GARRE1: variants seen among roughly 807,000 people sequenced by gnomAD.
GARRE1 encodes granule associated Rac and RHOG effector 1.
GARRE1 carries 49 observed loss-of-function variants against 103.2 expected under a neutral mutation model. The observed-to-expected ratio is 0.47, with a 90% confidence interval of 0.38 to 0.60. The LOEUF is 0.60. Among genes scored for constraint, GARRE1 ranks in the 20% least tolerant of loss-of-function variants. GARRE1 has a pLI of 0.00. For synonymous variants in GARRE1, 505 were observed against 532.8 expected (o/e 0.95, Z 0.72); for missense variants, 1,199 against 1,370.5 (o/e 0.87, Z 1.98).
chr19:34,274,565 G>T (rs545008665), intron 1 of GARRE1, among the ~76,000 whole-genome samples: 2 of 152,290 alleles, frequency 1.3e-5, no homozygotes, highest in South Asian at 4.1e-4. Context: ...TTTGGTTTTG[G>T]ACTTTTGATT....
At chr19:34,296,436 T>G in intron 1 of GARRE1, 1 of 1,587,464 alleles carries the variant, frequency 6.3e-7, no homozygotes, top group East Asian at 2.2e-5. Context: ...CTTCCCAAGC[T>G]TGGGGTGGGC....
intron 1 of GARRE1, among the ~76,000 whole-genome samples, chr19:34,258,631 T>C (rs958036282): frequency 6.6e-6 from 1 of 151,054 alleles, no homozygotes; most frequent in African/African-American, 2.4e-5. Context: ...AAAAAAAAAA[T>C]ATTAAAAAAT....
At chr19:34,284,386 A>T (rs2073874308) in intron 1 of GARRE1, among the ~76,000 whole-genome samples, 3 of 152,040 alleles carry the variant, frequency 2.0e-5, no homozygotes, top group Admixed American at 2.0e-4. Flanking sequence ...CAGCCTCCCA[A>T]AGTACTGGGA....
At position 34,347,953 on chromosome 19, in the gene GARRE1, C is replaced by T. The variant is rs1183496850; in HGVS notation, c.2598C>T (p.His866=). Residue 866 remains histidine, a synonymous_variant, in exon 11 of 14, where the codon CAC becomes CAT. Coordinates refer to ENST00000299505, the MANE Select transcript of GARRE1 (RefSeq NM_014686.5). ...QAMQQKRQAQ[H]GRRPGNPRGN... Reference sequence around the variant, plus strand: ...TGCAGCAGAAGCGGCAGGCCCAGCACGGTCGCCGGCCAGGCAACCCCCGGG... The same window carrying T: ...TGCAGCAGAAGCGGCAGGCCCAGCATGGTCGCCGGCCAGGCAACCCCCGGG... The T allele has an allele frequency of 1.3e-5, 21 of 1,589,766 alleles. No homozygotes were observed. Among genetic ancestry groups the T allele is most frequent in the Middle Eastern group, 1.7e-4 (1 of 6,040 alleles).
At chr19:34,305,138 CCTTTA>C in intron 2 of GARRE1, among the ~76,000 whole-genome samples, 1 of 152,292 alleles carries the variant, frequency 6.6e-6, no homozygotes, top group East Asian at 1.9e-4. Context: ...AAAAAGCATG[CCTTTA>C]CTTCTCAAAA....
rs142397202 is a variant in GARRE1, at chr19:34,352,660, A to G, written c.2918A>G (p.Lys973Arg). The G allele has an allele frequency of 3.0e-4, 476 of 1,608,934 alleles. No homozygotes were observed. Among genetic ancestry groups the G allele is most frequent in the Non-Finnish European group, 3.9e-4 (460 of 1,175,866 alleles). The change falls in exon 14 of 14, where the codon AAA (lysine) becomes AGA (arginine). Residue 973 changes from lysine (K) to arginine (R), a missense_variant. Physicochemically the swap from Lys to Arg is conservative, Grantham distance 26. Coordinates refer to ENST00000299505, the MANE Select transcript of GARRE1 (RefSeq NM_014686.5). ...VEDVNQDNKTKTWPPKAPWQH... is the reference protein window; with the variant it reads ...VEDVNQDNKTRTWPPKAPWQH... ...TTTGTTTCTCAGGATAACAAAACCAAAACGTGGCCACCCAAAGCACCCTGG... is the reference window on the plus strand; with the variant it reads ...TTTGTTTCTCAGGATAACAAAACCAGAACGTGGCCACCCAAAGCACCCTGG...
At chr19:34,328,264 G>GA in intron 6 of GARRE1, 113 bp downstream of exon 6, 2 of 1,207,312 alleles carry the variant, frequency 1.7e-6, no homozygotes, top group Non-Finnish European at 2.3e-6. Flanking sequence ...GGCCGGGCGT[G>GA]GTGGCTCACG....
At chr19:34,279,981 T>G (rs1233922746) in intron 1 of GARRE1, among the ~76,000 whole-genome samples, 1 of 112,798 alleles carries the variant, frequency 8.9e-6, no homozygotes, top group Non-Finnish European at 1.6e-5. Context: ...CGAGACTCCG[T>G]CTCAAAAAAA....
chr19:34,255,893 G>A (rs28644463), intron 1 of GARRE1, among the ~76,000 whole-genome samples: 4,708 of 152,018 alleles, frequency 0.031, 242 homozygotes, highest in African/African-American at 0.11. Context: ...CCAGGCTGGA[G>A]TGCAGTGGCG....
intron 1 of GARRE1, among the ~76,000 whole-genome samples, chr19:34,281,244 A>T (rs1039800114): frequency 1.7e-4 from 26 of 152,070 alleles, no homozygotes; most frequent in Non-Finnish European, 2.9e-5. Flanking sequence ...CCTCAGCCTC[A>T]TCAGTAGCTG....
chr19:34,291,899 G>A lies in GARRE1; in HGVS notation c.-795-7780G>A, dbSNP rs373710135. 4.1e-5 allele frequency among the ~76,000 whole-genome samples: 6 copies of A among 145,988 alleles called. No individual in the cohort carries two copies. The East Asian group carries it at 8.0e-4, about 19-fold the overall frequency. On this transcript the variant is annotated intron_variant, in intron 1 of 13. Transcript: ENST00000299505. The stretch of plus-strand genomic sequence containing the variant: ...TTTTGAGACAGAGTCTCACTCTCTC[G>A]CCCAGGCTGGAGTACAGTGGCACCA...
chr19:34,274,093 G>C (rs780960276), intron 1 of GARRE1, among the ~76,000 whole-genome samples: 4 of 151,706 alleles, frequency 2.6e-5, no homozygotes, highest in African/African-American at 4.8e-5. Flanking sequence ...AGAAGGAAAA[G>C]GACTTGAGAG....
At chr19:34,327,321 T>G in intron 3 of GARRE1, 100 bp from the exon 4 acceptor site, 1 of 1,128,442 alleles carries the variant, frequency 8.9e-7, no homozygotes, top group Non-Finnish European at 1.3e-6. Context: ...TATTGCTGCA[T>G]TTTACTTGAG....
chr19:34,328,743 G>T (rs2074124430), intron 6 of GARRE1, among the ~76,000 whole-genome samples: 1 of 151,924 alleles, frequency 6.6e-6, no homozygotes, highest in Admixed American at 6.6e-5. Flanking sequence ...AAGTAGCTGG[G>T]ACTACAAGCA....
intron 12 of GARRE1, 125 bp from the exon 13 acceptor site, chr19:34,351,389 G>C: frequency 1.4e-6 from 1 of 729,328 alleles, no homozygotes; most frequent in Admixed American, 2.0e-5. Flanking sequence ...CATTGACCCA[G>C]GCAGGCCTCC....
Position 34,284,127 on chromosome 19 carries a change from C to CT in GARRE1, c.-795-15529dup, listed in dbSNP as rs10608784. On this transcript the variant is annotated intron_variant, in intron 1 of 13. Coordinates refer to ENST00000299505, the MANE Select transcript of GARRE1 (RefSeq NM_014686.5). The stretch of plus-strand genomic sequence containing the variant: ...GTGCTGGGATTACAGGCCCGGCTTT[C>CT]TTTTTTTTTTTTTTTTTTTTTTTGA... Among the ~76,000 whole-genome samples the CT allele has an allele frequency of 4.7e-3, 347 of 73,376 alleles. 2 individuals are homozygous for CT. The highest frequency in any genetic ancestry group is 0.03 in the East Asian group (78 of 2,634). 48.1% of individuals were successfully genotyped at this position (73,376 alleles called of 152,430 possible).
intron 3 of GARRE1, among the ~76,000 whole-genome samples, chr19:34,321,120 G>A (rs2074086255): frequency 1.5e-5 from 2 of 135,612 alleles, no homozygotes; most frequent in African/African-American, 5.6e-5. Flanking sequence ...GCAGTGGCGT[G>A]ATCTCAGCTC....
At chr19:34,288,204 G>A (rs1464308881) in intron 1 of GARRE1, among the ~76,000 whole-genome samples, 1 of 152,168 alleles carries the variant, frequency 6.6e-6, no homozygotes, top group Admixed American at 6.5e-5. Flanking sequence ...TCCTCTGAAA[G>A]AAAAGGAAGC....
chr19:34,294,262 A>G (rs2073934741), intron 1 of GARRE1, among the ~76,000 whole-genome samples: 1 of 151,758 alleles, frequency 6.6e-6, no homozygotes, highest in Non-Finnish European at 1.5e-5. Context: ...TCTACAAAAA[A>G]AAAAAAAGAA....
Sources: allele counts gnomAD v4.1 joint callset (sites outside exome capture counted in the v4.1 genomes callset), GRCh38; gene constraint gnomAD v4.1.1; transcripts MANE v1.5; gene names NCBI Gene and HGNC (gene_info 2026-07-23, HGNC 2026-07-21).